The following CNTN6 variants were observed in gnomAD, a reference collection of about 807,000 sequenced individuals.
CNTN6 encodes the protein contactin 6.
A neutral mutation model predicts 122.8 loss-of-function variants in CNTN6; 137 were observed. The ratio of observed to expected loss-of-function variants is 1.12; its 90% CI spans 0.97 to 1.29. The LOEUF (loss-of-function observed/expected upper bound fraction) is 1.29. Ranked by LOEUF, CNTN6 falls within the 50% of genes most tolerant of loss-of-function variation. The pLI is 0.00. For synonymous variants in CNTN6, 570 were observed against 426.0 expected (o/e 1.34, Z -4.16); for missense variants, 1,634 against 1,223.4 (o/e 1.34, Z -5.01).
chr3:1,220,525 G>C (rs1559538706), intron 2 of CNTN6, among the ~76,000 whole-genome samples, 162 bp from the exon 3 acceptor site: 1 of 151,842 alleles, frequency 6.6e-6, no homozygotes, highest in African/African-American at 2.4e-5. Flanking sequence ...GTTTACAAGA[G>C]AAAAAAATTC....
intron 17 of CNTN6, among the ~76,000 whole-genome samples, chr3:1,378,137 A>G (rs916940058): frequency 1.3e-5 from 2 of 151,996 alleles, no homozygotes; most frequent in Non-Finnish European, 2.9e-5. Flanking sequence ...CTGTCCATGG[A>G]TGACCCACTT....
chr3:1,138,626 TAC>T (rs1433911828), intron 1 of CNTN6, among the ~76,000 whole-genome samples: 3 of 152,070 alleles, frequency 2.0e-5, no homozygotes, highest in African/African-American at 7.2e-5. Context: ...TTTTTTCCTC[TAC>T]CACTCTAATA....
intron 1 of CNTN6, among the ~76,000 whole-genome samples, chr3:1,097,048 A>T (rs1278507405): frequency 6.6e-6 from 1 of 152,190 alleles, no homozygotes; most frequent in Non-Finnish European, 1.5e-5. Context: ...GAATGTTGTT[A>T]TTCTCAGTAT....
At chr3:1,275,906 G>A (rs975790994) in intron 4 of CNTN6, among the ~76,000 whole-genome samples, 2 of 152,144 alleles carry the variant, frequency 1.3e-5, no homozygotes, top group Admixed American at 1.3e-4. Flanking sequence ...GCGTGGTTTT[G>A]GGATTGGAGA....
chr3:1,359,545 G>A (rs990677414), intron 12 of CNTN6, among the ~76,000 whole-genome samples: 5 of 151,974 alleles, frequency 3.3e-5, no homozygotes, highest in African/African-American at 1.2e-4. Flanking sequence ...AGGTAAATTG[G>A]AATATATTGA....
At chr3:1,360,132 C>T (rs1437001938) in intron 12 of CNTN6, among the ~76,000 whole-genome samples, 2 of 151,910 alleles carry the variant, frequency 1.3e-5, no homozygotes, top group African/African-American at 4.8e-5. Flanking sequence ...TGTCTTTATT[C>T]TGTGTTTACA....
intron 17 of CNTN6, 70 bp from the exon 18 acceptor site, chr3:1,382,868 TAATC>T (rs1046247910): frequency 3.0e-5 from 30 of 985,370 alleles, no homozygotes; most frequent in Admixed American, 1.9e-4. Flanking sequence ...AAATGTGAAA[TAATC>T]AATAAACATT....
At chr3:1,276,261 G>A (rs949524367) in intron 4 of CNTN6, among the ~76,000 whole-genome samples, 3 of 151,956 alleles carry the variant, frequency 2.0e-5, no homozygotes, top group African/African-American at 4.8e-5. Flanking sequence ...TTTTACTGTT[G>A]TTTTCTTCCA....
chr3:1,312,310 T>C (rs1484873102), intron 7 of CNTN6, among the ~76,000 whole-genome samples: 1 of 149,792 alleles, frequency 6.7e-6, no homozygotes, highest in Non-Finnish European at 1.5e-5. Context: ...TTAAAAATCA[T>C]CCAAGAAGAA....
intron 1 of CNTN6, among the ~76,000 whole-genome samples, chr3:1,100,667 T>A (rs2090840337): frequency 6.6e-6 from 1 of 152,172 alleles, no homozygotes; most frequent in African/African-American, 2.4e-5. Flanking sequence ...TTGCATTTCT[T>A]TCATTTTCTA....
At chr3:1,304,252 T>A (rs1335223654) in intron 7 of CNTN6, among the ~76,000 whole-genome samples, 1 of 151,760 alleles carries the variant, frequency 6.6e-6, no homozygotes, top group Non-Finnish European at 1.5e-5. Context: ...ATCATACTTT[T>A]GTGTTGCCAA....
intron 5 of CNTN6, among the ~76,000 whole-genome samples, chr3:1,281,983 T>TACAC (rs3836238): frequency 0.026 from 3,863 of 149,884 alleles, 162 homozygotes; most frequent in African/African-American, 0.089. Context: ...TATATAGGTA[T>TACAC]ACACACACAC....
intron 2 of CNTN6, among the ~76,000 whole-genome samples, chr3:1,212,000 G>A (rs971793908): frequency 6.6e-6 from 1 of 152,000 alleles, no homozygotes; most frequent in Non-Finnish European, 1.5e-5. Context: ...CACTGCATTC[G>A]AATAAAAAGT....
chr3:1,316,792 G>T (rs1700155473), intron 7 of CNTN6, among the ~76,000 whole-genome samples: 1 of 151,670 alleles, frequency 6.6e-6, no homozygotes, highest in Non-Finnish European at 1.5e-5. Flanking sequence ...AAACATTAAA[G>T]CTCGCTACTA....
chr3:1,362,715 G>A (rs1454905209), intron 12 of CNTN6, among the ~76,000 whole-genome samples: 1 of 151,864 alleles, frequency 6.6e-6, no homozygotes, highest in Non-Finnish European at 1.5e-5. Flanking sequence ...GGAGCAGAGA[G>A]GACAGAAAGA....
chr3:1,394,197 G>A (rs560871922), intron 20 of CNTN6: 17 of 227,760 alleles, frequency 7.5e-5, no homozygotes, highest in African/African-American at 2.8e-4. Flanking sequence ...GGTGCCCTCC[G>A]TCTGCCTCAT....
intron 7 of CNTN6, among the ~76,000 whole-genome samples, chr3:1,304,858 G>A (rs1340340097): frequency 3.3e-5 from 5 of 151,884 alleles, no homozygotes; most frequent in Non-Finnish European, 5.9e-5. Context: ...GCCGGGTGCA[G>A]TGGCAGACAC....
chr3:1,099,156 A>C (rs902207389), intron 1 of CNTN6, among the ~76,000 whole-genome samples: 6 of 152,158 alleles, frequency 3.9e-5, no homozygotes, highest in African/African-American at 1.4e-4. Context: ...TCATTCTTAT[A>C]AATAAACACA....
At chr3:1,238,006 G>GAA (rs1422797424) in intron 4 of CNTN6, among the ~76,000 whole-genome samples, 1 of 148,954 alleles carries the variant, frequency 6.7e-6, no homozygotes, top group Non-Finnish European at 1.5e-5. Context: ...AAAAAGAAAA[G>GAA]AAAACAGAAA....
Sources: gnomAD v4.1 joint callset for allele counts (sites outside exome capture counted in the v4.1 genomes callset) on GRCh38, gnomAD v4.1.1 for gene constraint, MANE v1.5 for transcripts, NCBI Gene and HGNC (gene_info 2026-07-23, HGNC 2026-07-21) for gene names.